HADH: variants seen among roughly 807,000 people sequenced by gnomAD.
HADH encodes the protein hydroxyacyl-coenzyme A dehydrogenase, mitochondrial.
A neutral mutation model predicts 32.2 loss-of-function variants in HADH; 24 were observed. That is an observed-to-expected ratio of 0.75 (90% CI 0.54 to 1.05). The LOEUF (loss-of-function observed/expected upper bound fraction) is 1.05. Ranked by LOEUF, HADH falls within the 50% of genes least tolerant of loss-of-function variation. The pLI, the probability that HADH is intolerant of heterozygous loss-of-function variation, is 0.00. For synonymous variants in HADH, 139 were observed against 152.5 expected (o/e 0.91, Z 0.65); for missense variants, 350 against 397.1 (o/e 0.88, Z 1.01).
At chr4:107,994,496 A>AT (rs1319523425) in intron 1 of HADH, among the ~76,000 whole-genome samples, 1 of 151,982 alleles carries the variant, frequency 6.6e-6, no homozygotes, top group Non-Finnish European at 1.5e-5. Flanking sequence ...GTTGTTTCAT[A>AT]TTTTTTTAGC....
chr4:107,989,899 C>A lies in HADH; in HGVS notation c.-34C>A. On this transcript the variant is annotated 5_prime_UTR_variant, in exon 1 of 8. Coordinates refer to ENST00000309522, the MANE Select transcript of HADH (RefSeq NM_005327.7). ...GCCCGCCTCGCGCGTCTTCCCTGCC[C>A]GGGTCTCCTCGCTGTCGCCGCCGCT... 1 of 1,606,940 alleles carries A rather than the reference C, an allele frequency of 6.2e-7. No homozygotes were observed. The highest frequency in any genetic ancestry group is 8.5e-7 in the Non-Finnish European group (1 of 1,177,832).
intron 6 of HADH, chr4:108,029,064 CCTT>C: frequency 2.5e-6 from 1 of 395,130 alleles, no homozygotes; most frequent in Non-Finnish European, 4.5e-6. Context: ...TTTTCCACCA[CCTT>C]CTCAGAATCT....
chr4:107,992,889 C>T (rs1734854961), intron 1 of HADH, among the ~76,000 whole-genome samples: 1 of 151,988 alleles, frequency 6.6e-6, no homozygotes, highest in Non-Finnish European at 1.5e-5. Flanking sequence ...CTGAGGGGGG[C>T]AGATCATCTG....
At chr4:108,003,561 GC>G (rs1463448378) in intron 1 of HADH, among the ~76,000 whole-genome samples, 2 of 152,062 alleles carry the variant, frequency 1.3e-5, no homozygotes, top group Non-Finnish European at 1.5e-5. Context: ...TAAAGCAAAG[GC>G]CAGCCTCAGG....
intron 6 of HADH, chr4:108,028,508 A>G: frequency 4.8e-6 from 1 of 206,730 alleles, no homozygotes; most frequent in South Asian, 1.9e-4. Context: ...CTCACTCCTG[A>G]GAGTGTCATT....
rs1454940642 is a variant in HADH, at chr4:108,034,277, C to T, written c.865C>T (p.Pro289Ser). Residue 289 changes from proline (P) to serine (S), a missense_variant, in exon 8 of 8, where the codon CCC (proline) becomes TCC (serine). By Grantham distance (74) the Pro-to-Ser change is moderately conservative. Transcript: ENST00000309522. ...GGATGCAGAGAACCCATTACATCAGCCCAGCCCATCCTTAAATAAGCTGGT... is the reference window on the plus strand; with the variant it reads ...GGATGCAGAGAACCCATTACATCAGTCCAGCCCATCCTTAAATAAGCTGGT... ...EMDAENPLHQ[P>S]SPSLNKLVAE... 5.0e-6 allele frequency: 8 copies of T among 1,612,796 alleles called. No homozygotes were observed. The African/African-American group carries it at 1.1e-4, about 22-fold the overall frequency.
chr4:107,993,434 A>G (rs1443391280), intron 1 of HADH, among the ~76,000 whole-genome samples: 1 of 152,244 alleles, frequency 6.6e-6, no homozygotes, highest in Non-Finnish European at 1.5e-5. Context: ...AGGTTATGTT[A>G]CTGATTTTCA....
intron 1 of HADH, among the ~76,000 whole-genome samples, chr4:107,996,847 TCA>T (rs1459765765): frequency 6.9e-6 from 1 of 145,964 alleles, no homozygotes; most frequent in African/African-American, 2.6e-5. Context: ...TGAGCCAAGA[TCA>T]CACCACTACA....
chr4:108,020,444 T>C (rs1735844480), intron 4 of HADH, among the ~76,000 whole-genome samples: 1 of 152,158 alleles, frequency 6.6e-6, no homozygotes, highest in African/African-American at 2.4e-5. Flanking sequence ...CACTCCAGCC[T>C]GGATGACAGA....
At chr4:108,032,559 C>T in intron 6 of HADH, 1 of 492,056 alleles carries the variant, frequency 2.0e-6, no homozygotes. Flanking sequence ...TTAAATTATA[C>T]TTTAATAAAT....
At chr4:107,997,028 A>G (rs1578242996) in intron 1 of HADH, among the ~76,000 whole-genome samples, 1 of 152,326 alleles carries the variant, frequency 6.6e-6, no homozygotes, top group African/African-American at 2.4e-5. Flanking sequence ...ACATTACACA[A>G]CCAGAGACAA....
chr4:108,019,713 C>G, intron 4 of HADH, 47 bp downstream of exon 4: 1 of 1,611,100 alleles, frequency 6.2e-7, no homozygotes, highest in Non-Finnish European at 8.5e-7. Context: ...TGCCAGCTCT[C>G]TCAGTCCTGC....
At chr4:108,010,368 G>C (rs1188439444) in intron 2 of HADH, among the ~76,000 whole-genome samples, 1 of 152,166 alleles carries the variant, frequency 6.6e-6, no homozygotes, top group Non-Finnish European at 1.5e-5. Flanking sequence ...TGTGGAGGCT[G>C]GGAATACAAC....
intron 5 of HADH, chr4:108,024,644 A>G (rs1452073812): frequency 6.6e-6 from 1 of 152,196 alleles, no homozygotes; most frequent in Non-Finnish European, 1.5e-5. Flanking sequence ...TAAGTCATCT[A>G]GATTTCTAAA....
At chr4:108,034,036 G>A (rs1226122617) in intron 7 of HADH, among the ~76,000 whole-genome samples, 1 of 152,258 alleles carries the variant, frequency 6.6e-6, no homozygotes, top group African/African-American at 2.4e-5. Context: ...AGCACAGGTG[G>A]GTGGCAGTGC....
rs547223779 is a variant in HADH, at chr4:108,032,850, C to T, written c.710-326C>T. 809 of 377,020 alleles carry T rather than the reference C, an allele frequency of 2.1e-3. 5 individuals are homozygous for T. Among genetic ancestry groups the T allele is most frequent in the Middle Eastern group, 0.011 (13 of 1,166 alleles). 23.4% of individuals were successfully genotyped at this position (377,020 alleles called of 1,614,324 possible). A position where few individuals can be genotyped will look rare whatever the true frequency, so the allele number is the denominator to read the frequency against. ...TATAAATATTAGCCTTGTGTGGGGG[C>T]GCACACCTGTAGTCTCAGCCACTAG... On this transcript the variant is annotated intron_variant, in intron 6 of 7. Coordinates refer to ENST00000309522, the MANE Select transcript of HADH (RefSeq NM_005327.7).
chr4:108,002,871 A>G (rs1008022320), intron 1 of HADH, among the ~76,000 whole-genome samples: 1 of 152,226 alleles, frequency 6.6e-6, no homozygotes, highest in African/African-American at 2.4e-5. Context: ...AGGAGAAAGT[A>G]GAAGCACCAA....
At position 108,014,471 on chromosome 4, in the gene HADH, C is replaced by T. The variant is rs375910422; in HGVS notation, c.302C>T (p.Ala101Val). The part of the protein sequence containing the change: ...EFVEKTLSTI[A>V]TSTDAASVVH... ...GTGGAGAAGACCCTGAGCACCATAGCGACCAGCACGGATGCAGCCTCCGTT... is the reference window on the plus strand; with the variant it reads ...GTGGAGAAGACCCTGAGCACCATAGTGACCAGCACGGATGCAGCCTCCGTT... Residue 101 changes from alanine to valine, a missense_variant, in exon 3 of 8, where the codon GCG becomes GTG. Ala to Val is a moderately conservative substitution (Grantham distance 64). Coordinates refer to ENST00000309522, the MANE Select transcript of HADH (RefSeq NM_005327.7). 4 of 1,614,092 alleles carry T rather than the reference C, an allele frequency of 2.5e-6. No homozygotes were observed. Among genetic ancestry groups the T allele is most frequent in the South Asian group, 1.1e-5 (1 of 91,086 alleles).
At chr4:107,990,940 C>T (rs1226780246) in intron 1 of HADH, among the ~76,000 whole-genome samples, 2 of 152,054 alleles carry the variant, frequency 1.3e-5, no homozygotes. Flanking sequence ...CAGGGTTTCA[C>T]CTTGTGGGTC....
Sources: gnomAD v4.1 joint callset for allele counts (sites outside exome capture counted in the v4.1 genomes callset) on GRCh38, gnomAD v4.1.1 for gene constraint, MANE v1.5 for transcripts, NCBI Gene and HGNC (gene_info 2026-07-23, HGNC 2026-07-21) for gene names.